Variants in MGAM observed in about 807,000 individuals in gnomAD.
MGAM encodes the protein maltase-glucoamylase.
MGAM carries 253 observed loss-of-function variants against 358.8 expected under a neutral mutation model. The ratio of observed to expected loss-of-function variants is 0.71; its 90% confidence interval spans 0.64 to 0.78. The LOEUF is 0.78. MGAM is among the 30% of genes least tolerant of loss of function. The pLI, the probability that MGAM is intolerant of heterozygous loss-of-function variation, is 0.00. For synonymous variants in MGAM, 1,105 were observed against 1,227.1 expected, an observed-to-expected ratio of 0.90 and a Z score of 2.08; for missense variants, 3,080 against 3,432.6, an observed-to-expected ratio of 0.90 and a Z score of 2.57.
chr7:142,081,633 A>G (rs1814300452), intron 50 of MGAM, among the ~76,000 whole-genome samples: 1 of 146,040 alleles, frequency 6.8e-6, no homozygotes. Flanking sequence ...GCTTCATAAG[A>G]TGTTTGCATG....
chr7:141,993,141 G>A (rs185021940), upstream of MGAM, among the ~76,000 whole-genome samples: 133 of 152,220 alleles, frequency 8.7e-4, no homozygotes, highest in African/African-American at 3.1e-3. Context: ...AGTGATTTTT[G>A]TTTGTATTTT....
At chr7:142,042,804 T>G (rs1487233116) in intron 21 of MGAM, among the ~76,000 whole-genome samples, 1 of 72,164 alleles carries the variant, frequency 1.4e-5, no homozygotes, top group African/African-American at 5.3e-5. Flanking sequence ...ACATATAATA[T>G]CTAAATATAA....
intron 13 of MGAM, 141 bp from the exon 14 acceptor site, chr7:142,032,684 C>T (rs1168141255): frequency 1.9e-6 from 1 of 528,538 alleles, no homozygotes; most frequent in African/African-American, 2.0e-5. Flanking sequence ...AAGACAAGAA[C>T]ACCTACTCTA....
At chr7:142,056,459 C>T (rs1399202693) in intron 29 of MGAM, among the ~76,000 whole-genome samples, 2 of 152,128 alleles carry the variant, frequency 1.3e-5, no homozygotes, top group African/African-American at 4.8e-5. Context: ...TGGAAAATTA[C>T]CTATCGGGTA....
chr7:142,038,628 A>G lies in MGAM; in HGVS notation c.2316+13A>G. 6.3e-7 allele frequency: 1 copy of G among 1,584,374 alleles called. No individual in the cohort carries two copies. Among genetic ancestry groups the G allele is most frequent in the Non-Finnish European group, 8.6e-7 (1 of 1,160,120 alleles). ...AGTTCTGGATGAAGTAAGTGTTCCC[A>G]CAGAGATACACTAGAGATCTCTGCA... is the stretch of plus-strand genomic sequence containing the variant. On this transcript the variant is annotated intron_variant, in intron 19 of 70. Coordinates refer to ENST00000475668, the MANE Select transcript of MGAM (RefSeq NM_001365693.1).
intron 21 of MGAM, among the ~76,000 whole-genome samples, chr7:142,045,959 A>ACATACAATATGTAATATATATTATGTATG (rs1810304246): frequency 7.9e-6 from 1 of 125,822 alleles, no homozygotes. Flanking sequence ...TATTATGTAT[A>ACATACAATATGTAATATATATTATGTATG]CATACAATAT....
chr7:142,027,690 C>T lies in MGAM; in HGVS notation c.1176C>T (p.Asn392=). ...GTTACGAATATGGAACCTTAGACAA[C>T]ATGAGGGAAGTCGTGGAGAGAAATC... ...LSRYEYGTLD[N]MREVVERNRA... Residue 392 remains asparagine, a synonymous_variant, in exon 10 of 71, where the codon AAC becomes AAT. Coordinates refer to ENST00000475668, the MANE Select transcript of MGAM (RefSeq NM_001365693.1). The T allele has an allele frequency of 1.2e-6, 2 of 1,613,422 alleles. No homozygotes were observed. The highest frequency in any genetic ancestry group is 1.7e-6 in the Non-Finnish European group (2 of 1,179,544).
chr7:142,091,037 A>AG (rs1419690633), intron 57 of MGAM, among the ~76,000 whole-genome samples: 1 of 145,620 alleles, frequency 6.9e-6, no homozygotes, highest in African/African-American at 2.4e-5. Flanking sequence ...ACTTTAGGTC[A>AG]GGAATTTGAG....
chr7:142,079,883 C>T (rs140537530), intron 49 of MGAM, among the ~76,000 whole-genome samples: 3,350 of 146,544 alleles, frequency 0.023, 232 homozygotes, highest in African/African-American at 0.077. Flanking sequence ...GTACCCTCAT[C>T]ATAGCACTAG....
intron 1 of MGAM, among the ~76,000 whole-genome samples, chr7:141,998,760 G>C (rs140831111): frequency 1.3e-5 from 2 of 152,010 alleles, no homozygotes; most frequent in Non-Finnish European, 2.9e-5. Flanking sequence ...ATAATCCTTC[G>C]GGTACATACC....
At chr7:142,003,551 A>G (rs1229934491) in intron 1 of MGAM, among the ~76,000 whole-genome samples, 1 of 152,132 alleles carries the variant, frequency 6.6e-6, no homozygotes, top group African/African-American at 2.4e-5. Flanking sequence ...AATTAACTCA[A>G]GATGGATTTA....
At chr7:142,034,951 T>A in intron 16 of MGAM, 110 bp downstream of exon 16, 1 of 1,064,192 alleles carries the variant, frequency 9.4e-7, no homozygotes, top group Non-Finnish European at 1.3e-6. Context: ...GGCTGGGGAT[T>A]TAATATCTTG....
chr7:142,031,657 G>C (rs1279282523), intron 12 of MGAM, 23 bp from the exon 13 acceptor site: 2 of 1,483,266 alleles, frequency 1.3e-6, no homozygotes, highest in Non-Finnish European at 9.4e-7. Context: ...ACTCTTACCA[G>C]TGTTTTTCTT....
rs766441651 is a variant in MGAM, at chr7:142,047,755, T to C, written c.2499-30T>C. 11 of 1,586,252 alleles carry C rather than the reference T, an allele frequency of 6.9e-6. No individual in the cohort carries two copies. In the East Asian group the frequency reaches 2.5e-4, roughly 35 times the overall value. ...GGCTGGCAAAATTCTCTGACTCCTGTCTTTGTGTCTTGAATCTTGTTCCCC... is the reference window on the plus strand; with the variant it reads ...GGCTGGCAAAATTCTCTGACTCCTGCCTTTGTGTCTTGAATCTTGTTCCCC... On this transcript the variant is annotated intron_variant, in intron 21 of 70. Coordinates refer to ENST00000475668, the MANE Select transcript of MGAM (RefSeq NM_001365693.1).
intron 2 of MGAM, among the ~76,000 whole-genome samples, chr7:141,987,853 G>A: frequency 6.6e-6 from 1 of 152,140 alleles, no homozygotes; most frequent in East Asian, 1.9e-4. Flanking sequence ...AATTAAATTA[G>A]TATGACTTTA....
At chr7:142,004,783 ACTG>A (rs1173654947) in intron 1 of MGAM, among the ~76,000 whole-genome samples, 2 of 152,044 alleles carry the variant, frequency 1.3e-5, no homozygotes, top group Non-Finnish European at 2.9e-5. Context: ...AAATGAGAAA[ACTG>A]AGAATGAGAA....
chr7:142,055,521 T>C, intron 27 of MGAM, 37 bp from the exon 28 acceptor site: 4 of 1,613,224 alleles, frequency 2.5e-6, no homozygotes, highest in Non-Finnish European at 3.4e-6. Flanking sequence ...AGATAAAAGC[T>C]CATTTTCTGT....
chr7:141,991,625 C>T (rs1303970447), upstream of MGAM, among the ~76,000 whole-genome samples: 1 of 151,880 alleles, frequency 6.6e-6, no homozygotes, highest in East Asian at 1.9e-4. Context: ...TTAGTAGAGA[C>T]GGGGTTTCAC....
intron 59 of MGAM, 74 bp downstream of exon 59, chr7:142,092,682 AG>A: frequency 7.5e-7 from 1 of 1,334,430 alleles, no homozygotes. Flanking sequence ...GCCCGAGGCC[AG>A]GGGTGGCCGC....
Sources: allele counts gnomAD v4.1 joint callset (sites outside exome capture counted in the v4.1 genomes callset), GRCh38; gene constraint gnomAD v4.1.1; transcripts MANE v1.5; gene names NCBI Gene and HGNC (gene_info 2026-07-23, HGNC 2026-07-21).